The following TMEM45B variants were observed in gnomAD, a reference collection of about 807,000 sequenced individuals.
The protein encoded by TMEM45B is transmembrane protein 45B.
In TMEM45B, 29 loss-of-function variants were observed where a neutral mutation model predicts 27.3. The observed-to-expected ratio is 1.06, with a 90% CI of 0.79 to 1.45. The LOEUF is 1.45. TMEM45B is among the 40% of genes most tolerant of loss of function. The pLI, the probability that TMEM45B is intolerant of heterozygous loss-of-function variation, is 0.00. For synonymous variants in TMEM45B, 143 were observed against 134.7 expected (o/e 1.06, Z -0.43); for missense variants, 348 against 343.9 (o/e 1.01, Z -0.09).
intron 1 of TMEM45B, among the ~76,000 whole-genome samples, chr11:129,819,523 T>G (rs568387320): frequency 5.4e-5 from 8 of 147,284 alleles, no homozygotes; most frequent in African/African-American, 8.1e-5. Context: ...GTCTTGTCTT[T>G]TCTTTTCTTT....
intron 1 of TMEM45B, among the ~76,000 whole-genome samples, chr11:129,818,484 C>T (rs1247913170): frequency 1.3e-5 from 2 of 152,108 alleles, no homozygotes; most frequent in Admixed American, 6.6e-5. Flanking sequence ...GATTAGAATC[C>T]GTATTTCAAA....
intron 4 of TMEM45B, among the ~76,000 whole-genome samples, 154 bp from the exon 5 acceptor site, chr11:129,857,159 T>C (rs540176435): frequency 1.3e-5 from 2 of 152,246 alleles, no homozygotes; most frequent in African/African-American, 4.8e-5. Flanking sequence ...GCCAGAGCCA[T>C]TTTTCTATGT....
At chr11:129,818,712 T>G (rs896446554) in intron 1 of TMEM45B, among the ~76,000 whole-genome samples, 12 of 152,334 alleles carry the variant, frequency 7.9e-5, no homozygotes, top group African/African-American at 2.6e-4. Flanking sequence ...GAATCTAAAT[T>G]TAGAAACTCT....
intron 4 of TMEM45B, 54 bp from the exon 5 acceptor site, chr11:129,857,259 A>G (rs1947942285): frequency 6.2e-6 from 10 of 1,601,662 alleles, no homozygotes; most frequent in Non-Finnish European, 8.5e-6. Flanking sequence ...GAACGGCTAG[A>G]TTGCTTCTCA....
At chr11:129,847,353 A>C (rs1947773617) in intron 1 of TMEM45B, among the ~76,000 whole-genome samples, 1 of 152,142 alleles carries the variant, frequency 6.6e-6, no homozygotes, top group South Asian at 2.1e-4. Flanking sequence ...TAAGTCTTTC[A>C]TACGAGTTGA....
intron 1 of TMEM45B, among the ~76,000 whole-genome samples, chr11:129,842,234 A>C (rs1947705144): frequency 6.6e-6 from 1 of 152,240 alleles, no homozygotes; most frequent in Non-Finnish European, 1.5e-5. Context: ...GGGAGAGAGA[A>C]AAAAATAAAG....
At chr11:129,815,959 C>G (rs1947345103) in intron 1 of TMEM45B, 61 bp downstream of exon 1, 3 of 1,260,926 alleles carry the variant, frequency 2.4e-6, no homozygotes. Context: ...GGAGAGGGGG[C>G]CCCGCCAAGG....
At chr11:129,849,007 C>T (rs551752820) in intron 1 of TMEM45B, among the ~76,000 whole-genome samples, 1 of 152,286 alleles carries the variant, frequency 6.6e-6, no homozygotes, top group South Asian at 2.1e-4. Flanking sequence ...TGGAGGGGAC[C>T]CATTCACACC....
At chr11:129,820,479 T>G (rs1223696045) in intron 1 of TMEM45B, among the ~76,000 whole-genome samples, 3 of 152,190 alleles carry the variant, frequency 2.0e-5, no homozygotes, top group African/African-American at 7.2e-5. Flanking sequence ...TTTGTTTTAC[T>G]AAAAAGCAAT....
At chr11:129,847,795 G>A (rs1323544763) in intron 1 of TMEM45B, among the ~76,000 whole-genome samples, 1 of 152,078 alleles carries the variant, frequency 6.6e-6, no homozygotes, top group Non-Finnish European at 1.5e-5. Context: ...TTTCTACACA[G>A]ACACAGCAAC....
At position 129,829,788 on chromosome 11, in the gene TMEM45B, T is replaced by A. The variant is rs1947526660; in HGVS notation, c.-9+13890T>A. On this transcript the variant is annotated intron_variant, in intron 1 of 5. Transcript: ENST00000281441. ...TTCTCTGTATACTCTAGTAAAGTATTTTTATATGAATCATAATAGTTTAAT... is the reference window on the plus strand; with the variant it reads ...TTCTCTGTATACTCTAGTAAAGTATATTTATATGAATCATAATAGTTTAAT... 3.3e-5 allele frequency among the ~76,000 whole-genome samples: 5 copies of A among 152,364 alleles called. No individual in the cohort carries two copies. In the South Asian group the frequency reaches 1.0e-3, roughly 32 times the overall value.
At chr11:129,858,550 GCT>G (rs1947962617) in intron 5 of TMEM45B, 22 bp from the exon 6 acceptor site, 2 of 1,537,828 alleles carry the variant, frequency 1.3e-6, no homozygotes, top group Admixed American at 1.9e-5. Context: ...TGGCTAATTG[GCT>G]CTTACTCTTT....
chr11:129,857,675 G>C (rs563525396), intron 5 of TMEM45B, among the ~76,000 whole-genome samples: 1 of 152,248 alleles, frequency 6.6e-6, no homozygotes, highest in East Asian at 1.9e-4. Flanking sequence ...TAACCTGAGG[G>C]ACCCAGGTTT....
intron 1 of TMEM45B, among the ~76,000 whole-genome samples, chr11:129,832,065 CA>C (rs57336005): frequency 0.32 from 18,130 of 56,870 alleles, 773 homozygotes; most frequent in East Asian, 0.36. Flanking sequence ...GATTCCATCT[CA>C]AAAAAAAAAA....
Position 129,858,920 on chromosome 11 carries a change from T to C in TMEM45B, c.*235T>C, listed in dbSNP as rs1947970018. 1 of 249,330 alleles carries C rather than the reference T, an allele frequency of 4.0e-6. No homozygotes were observed. The highest frequency in any genetic ancestry group is 7.7e-6 in the Non-Finnish European group (1 of 130,684). 15.4% of individuals were successfully genotyped at this position (249,330 alleles called of 1,614,324 possible). On this transcript the variant is annotated 3_prime_UTR_variant, in exon 6 of 6. Transcript: ENST00000281441. ...GTCTGTGTTGGTATAGTACCCTTCA[T>C]AAGGAAAAATGAAGTAATGCCTATA... is the stretch of plus-strand genomic sequence containing the variant.
chr11:129,858,753 T>A lies in TMEM45B; in HGVS notation c.*68T>A. On this transcript the variant is annotated 3_prime_UTR_variant, in exon 6 of 6. Coordinates refer to ENST00000281441, the MANE Select transcript of TMEM45B (RefSeq NM_138788.5). ...ATGAATGGAGTTCATCCCCTCCACCTGAATGCCTGCTGTGGTCTGATCTTA... is the reference window on the plus strand; with the variant it reads ...ATGAATGGAGTTCATCCCCTCCACCAGAATGCCTGCTGTGGTCTGATCTTA... 1 of 1,157,460 alleles carries A rather than the reference T, an allele frequency of 8.6e-7. No homozygotes were observed. Among genetic ancestry groups the A allele is most frequent in the Non-Finnish European group, 1.2e-6 (1 of 800,722 alleles). The allele number at this position is 1,157,460 out of a possible 1,614,324, so 71.7% of individuals were successfully genotyped here.
intron 5 of TMEM45B, among the ~76,000 whole-genome samples, chr11:129,857,813 C>T (rs1947952149): frequency 6.6e-6 from 1 of 152,002 alleles, no homozygotes; most frequent in African/African-American, 2.4e-5. Context: ...CCAGACCTGC[C>T]CTCCCTGCTT....
At chr11:129,857,267 T>A in intron 4 of TMEM45B, 46 bp from the exon 5 acceptor site, 1 of 1,605,284 alleles carries the variant, frequency 6.2e-7, no homozygotes, top group South Asian at 1.1e-5. Context: ...AGATTGCTTC[T>A]CAGGACGACC....
chr11:129,846,465 CAA>C lies in TMEM45B; in HGVS notation c.-8-5997_-8-5996del, dbSNP rs35029516. 2.3e-3 allele frequency among the ~76,000 whole-genome samples: 331 copies of C among 144,436 alleles called. 2 individuals carry two copies. Among genetic ancestry groups the C allele is most frequent in the African/African-American group, 6.8e-3 (268 of 39,380 alleles). The allele number at this position is 144,436 out of a possible 152,430, so 94.8% of individuals were successfully genotyped here. A position where few individuals can be genotyped will look rare whatever the true frequency, so the allele number is the denominator to read the frequency against. ...TGGGCGACAGAGCAAGACTCTTTCT[CAA>C]AAAAAAAAAAAAGTGTTAGAGAAAA... On this transcript the variant is annotated intron_variant, in intron 1 of 5. Transcript: ENST00000281441.
Sources: allele counts gnomAD v4.1 joint callset (sites outside exome capture counted in the v4.1 genomes callset), GRCh38; gene constraint gnomAD v4.1.1; transcripts MANE v1.5; gene names NCBI Gene and HGNC (gene_info 2026-07-23, HGNC 2026-07-21).